Variants in GNAO1 observed in about 807,000 individuals in gnomAD.
The protein encoded by GNAO1 is guanine nucleotide-binding protein G(o) subunit alpha.
For synonymous variants in GNAO1, 164 were observed against 180.7 expected (o/e 0.91, Z 0.74); for missense variants, 166 against 478.7 (o/e 0.35, Z 6.10).
chr16:56,307,026 T>C (rs1379326596), intron 3 of GNAO1: 1 of 151,842 alleles, frequency 6.6e-6, no homozygotes, highest in South Asian at 2.1e-4. Flanking sequence ...CCTTGGAGAG[T>C]GAGCTTTGGT....
chr16:56,241,141 G>A (rs188877356), intron 2 of GNAO1, among the ~76,000 whole-genome samples: 1 of 152,334 alleles, frequency 6.6e-6, no homozygotes, highest in African/African-American at 2.4e-5. Flanking sequence ...TTTGCCACAG[G>A]CCTTACAGCG....
intron 3 of GNAO1, among the ~76,000 whole-genome samples, chr16:56,289,397 C>T (rs2037208020): frequency 6.6e-6 from 1 of 152,178 alleles, no homozygotes; most frequent in Non-Finnish European, 1.5e-5. Context: ...GGCATGGTCC[C>T]CACCCGGTGG....
At chr16:56,217,779 ATGTGAT>A (rs2036448900) in intron 2 of GNAO1, among the ~76,000 whole-genome samples, 1 of 152,236 alleles carries the variant, frequency 6.6e-6, no homozygotes, top group Non-Finnish European at 1.5e-5. Flanking sequence ...TTGAGCCAGG[ATGTGAT>A]CCTGAGAGCT....
chr16:56,342,371 G>A (rs567132927), intron 6 of GNAO1, among the ~76,000 whole-genome samples: 16 of 152,318 alleles, frequency 1.1e-4, no homozygotes, highest in East Asian at 9.7e-4. Context: ...TTAGAGCTGC[G>A]GCTCTGAACT....
At chr16:56,238,704 CCA>C (rs1308765841) in intron 2 of GNAO1, among the ~76,000 whole-genome samples, 1 of 152,192 alleles carries the variant, frequency 6.6e-6, no homozygotes, top group Non-Finnish European at 1.5e-5. Context: ...CATGTGCTTC[CCA>C]CACACGCATT....
intron 4 of GNAO1, among the ~76,000 whole-genome samples, chr16:56,330,964 G>C (rs532837458): frequency 6.6e-6 from 1 of 152,338 alleles, no homozygotes; most frequent in South Asian, 2.1e-4. Context: ...GGACACACAG[G>C]TGGCCAGGGC....
intron 2 of GNAO1, chr16:56,270,737 G>T (rs2037008386): frequency 6.6e-6 from 1 of 152,138 alleles, no homozygotes; most frequent in Non-Finnish European, 1.5e-5. Flanking sequence ...GTCTCTGTTG[G>T]TTCTAAGTGG....
At chr16:56,262,268 A>C (rs2036910466) in intron 2 of GNAO1, among the ~76,000 whole-genome samples, 1 of 152,218 alleles carries the variant, frequency 6.6e-6, no homozygotes, top group Non-Finnish European at 1.5e-5. Flanking sequence ...GCAAGTCGCA[A>C]GGGAGCCAGG....
chr16:56,283,329 A>C (rs1247936687), intron 3 of GNAO1, among the ~76,000 whole-genome samples: 1 of 152,208 alleles, frequency 6.6e-6, no homozygotes, highest in African/African-American at 2.4e-5. Flanking sequence ...GCAGGAGGAA[A>C]GATGGGTGCC....
intron 2 of GNAO1, among the ~76,000 whole-genome samples, chr16:56,230,708 G>A (rs1407042908): frequency 6.6e-6 from 1 of 151,948 alleles, no homozygotes; most frequent in East Asian, 1.9e-4. Flanking sequence ...CTAATATAGG[G>A]GTCCAGACTC....
intron 3 of GNAO1, among the ~76,000 whole-genome samples, chr16:56,298,396 G>A (rs2037308748): frequency 6.6e-6 from 1 of 152,084 alleles, no homozygotes; most frequent in Non-Finnish European, 1.5e-5. Flanking sequence ...TGCCCTTATT[G>A]ATCAGCGACA....
At chr16:56,347,940 C>A in intron 6 of GNAO1, 1 of 926,884 alleles carries the variant, frequency 1.1e-6, no homozygotes, top group Non-Finnish European at 1.3e-6. Flanking sequence ...TGAGTATCTT[C>A]TTCCTCCCCA....
chr16:56,285,383 C>T (rs1169459260), intron 3 of GNAO1, among the ~76,000 whole-genome samples: 1 of 152,130 alleles, frequency 6.6e-6, no homozygotes, highest in East Asian at 1.9e-4. Context: ...AAGAGCCACC[C>T]CATTGCAGCC....
chr16:56,262,856 A>G (rs117216596), intron 2 of GNAO1, among the ~76,000 whole-genome samples: 1 of 152,264 alleles, frequency 6.6e-6, no homozygotes, highest in Non-Finnish European at 1.5e-5. Context: ...ACAAAAGCTC[A>G]TGTCTGCACA....
At chr16:56,338,078 T>C (rs2037760484) in intron 6 of GNAO1, among the ~76,000 whole-genome samples, 1 of 152,170 alleles carries the variant, frequency 6.6e-6, no homozygotes, top group South Asian at 2.1e-4. Flanking sequence ...GCTGGTCCAC[T>C]GGGCTTTGTG....
chr16:56,233,289 A>G (rs1283438545), intron 2 of GNAO1, among the ~76,000 whole-genome samples: 3 of 152,260 alleles, frequency 2.0e-5, no homozygotes, highest in African/African-American at 7.2e-5. Flanking sequence ...CACTATTTAC[A>G]TGCCCCAGTG....
chr16:56,205,824 A>T (rs1177580776), intron 2 of GNAO1, among the ~76,000 whole-genome samples: 1 of 152,214 alleles, frequency 6.6e-6, no homozygotes, highest in Admixed American at 6.5e-5. Flanking sequence ...AGGTCATTTC[A>T]TATAGTCATG....
chr16:56,243,020 G>A (rs540047287), intron 2 of GNAO1, among the ~76,000 whole-genome samples: 14 of 152,008 alleles, frequency 9.2e-5, no homozygotes, highest in South Asian at 4.2e-4. Flanking sequence ...GAATGGGAAC[G>A]CTGTTGTGAA....
intron 2 of GNAO1, among the ~76,000 whole-genome samples, chr16:56,216,903 G>A (rs771678313): frequency 4.3e-4 from 65 of 152,204 alleles, no homozygotes; most frequent in Non-Finnish European, 7.6e-4. Context: ...ATTGTCAAAT[G>A]GGAATAATGA....
Sources: gnomAD v4.1 joint callset for allele counts (sites outside exome capture counted in the v4.1 genomes callset) on GRCh38, gnomAD v4.1.1 for gene constraint, MANE v1.5 for transcripts, NCBI Gene and HGNC (gene_info 2026-07-23, HGNC 2026-07-21) for gene names.